Variants in TRAPPC6A observed in about 807,000 individuals in gnomAD.
The protein encoded by TRAPPC6A is TRAPP complex subunit 6A.
TRAPPC6A carries 25 observed loss-of-function variants against 20.8 expected under a neutral mutation model. That is an observed-to-expected ratio of 1.20 (90% CI 0.88 to 1.68). TRAPPC6A has a LOEUF of 1.68. TRAPPC6A is among the 40% of genes most tolerant of loss of function. The pLI is 0.00. For synonymous variants in TRAPPC6A, 96 were observed against 93.3 expected (o/e 1.03, Z -0.16); for missense variants, 215 against 211.6 (o/e 1.02, Z -0.10).
In TRAPPC6A at chr19:45,163,043, C is replaced by T; in HGVS notation, c.*149G>A. ...GGACCCCTTTGCCTCCTCTGACACCCCCACCTCAATTTGATACCCACTTCC... is the reference window on the plus strand; with the variant it reads ...GGACCCCTTTGCCTCCTCTGACACCTCCACCTCAATTTGATACCCACTTCC... On this transcript the variant is annotated 3_prime_UTR_variant, in exon 6 of 6. Transcript: ENST00000585934. This position sits in a 1 kb window ranked among gnomAD's most constrained non-coding sequence, Gnocchi z 5.3. 1.1e-6 allele frequency: 1 copy of T among 882,484 alleles called. No individual in the cohort carries two copies. The highest frequency in any genetic ancestry group is 1.7e-5 in the South Asian group (1 of 59,542). 54.7% of individuals were successfully genotyped at this position (882,484 alleles called of 1,614,324 possible).
rs984582108 is a variant in TRAPPC6A at position 45,172,133 on chromosome 19, G to A, written c.84+6002C>T. 5.9e-5 allele frequency among the ~76,000 whole-genome samples: 9 copies of A among 151,502 alleles called. No homozygotes were observed. The highest frequency in any genetic ancestry group is 2.2e-4 in the African/African-American group (9 of 41,056). On this transcript the variant is annotated intron_variant, in intron 1 of 5. Transcript: ENST00000585934. The surrounding 1 kb of genome is among the most constrained non-coding windows in gnomAD (Gnocchi z 4.2). ...AGGAGAATGGCCACAAATAACCACCGTACCAGGCAGGATAGGAGGTCACAA... is the reference window on the plus strand; with the variant it reads ...AGGAGAATGGCCACAAATAACCACCATACCAGGCAGGATAGGAGGTCACAA...
intron 1 of TRAPPC6A, 71 bp downstream of exon 1, chr19:45,178,064 C>T (rs568002335): frequency 3.7e-6 from 6 of 1,605,448 alleles, no homozygotes; most frequent in South Asian, 1.1e-5. Flanking sequence ...GGACGCCTGA[C>T]GCGCCCTCCG....
At chr19:45,176,661 T>A (rs1969382492) in intron 1 of TRAPPC6A, among the ~76,000 whole-genome samples, 1 of 152,126 alleles carries the variant, frequency 6.6e-6, no homozygotes, top group Non-Finnish European at 1.5e-5. Context: ...ATGACAGGTT[T>A]GTATCTGTAT....
At position 45,174,947 on chromosome 19, in the gene TRAPPC6A, C is replaced by T. The variant is rs373448561; in HGVS notation, c.84+3188G>A. On this transcript the variant is annotated intron_variant, in intron 1 of 5. Transcript: ENST00000585934. Reference sequence around the variant, plus strand: ...CATCCTGCCTAACACATTGAAACCCCGTCTCTACTAAAAATACAAAAAAAA... The same window carrying T: ...CATCCTGCCTAACACATTGAAACCCTGTCTCTACTAAAAATACAAAAAAAA... Among the ~76,000 whole-genome samples, 44 of 140,098 alleles carry T rather than the reference C, an allele frequency of 3.1e-4. 1 individual carries two copies. Among genetic ancestry groups the T allele is most frequent in the African/African-American group, 1.1e-3 (41 of 36,524 alleles). 91.9% of individuals were successfully genotyped at this position (140,098 alleles called of 152,430 possible). A position where few individuals can be genotyped will look rare whatever the true frequency, so the allele number is the denominator to read the frequency against.
chr19:45,178,232 A>C lies in TRAPPC6A; in HGVS notation c.-14T>G. The C allele has an allele frequency of 1.1e-5, 17 of 1,580,220 alleles. No individual in the cohort carries two copies. Among genetic ancestry groups the C allele is most frequent in the Non-Finnish European group, 1.4e-5 (16 of 1,158,804 alleles). On this transcript the variant is annotated 5_prime_UTR_variant, in exon 1 of 6. Transcript: ENST00000585934. ...AGTATCCGCCATGCCCCCTCCTCGC[A>C]CGCCTAAAGATGCGCCCAGCGCTTC... is the stretch of plus-strand genomic sequence containing the variant.
At chr19:45,171,163 G>A (rs1187571938) in intron 1 of TRAPPC6A, among the ~76,000 whole-genome samples, 2 of 152,190 alleles carry the variant, frequency 1.3e-5, no homozygotes, top group East Asian at 1.9e-4. Flanking sequence ...TTAGCCGGGC[G>A]TGGTGGCGCA....
chr19:45,164,203 C>T lies in TRAPPC6A; in HGVS notation c.315G>A (p.Pro105=), dbSNP rs776341093. 1.1e-5 allele frequency: 17 copies of T among 1,609,656 alleles called. No homozygotes were observed. Among genetic ancestry groups the T allele is most frequent in the Admixed American group, 8.4e-5 (5 of 59,468 alleles). The change falls in exon 4 of 6, where the codon CCG becomes CCA. Residue 105 remains proline, a synonymous_variant. Transcript: ENST00000585934. Reference sequence around the variant, plus strand: ...CCAGATACTGCAGGCCAGAGGCCATCGGGAGGAGGAGGGGGAAGCTGTTGT... The same window carrying T: ...CCAGATACTGCAGGCCAGAGGCCATTGGGAGGAGGAGGGGGAAGCTGTTGT... ...LQDNSFPLLL[P]MASGLQYLEE...
rs1048552 is a variant in TRAPPC6A at position 45,162,976 on chromosome 19, G to T, written c.*216C>A. 2,292 of 439,238 alleles carry T rather than the reference G, an allele frequency of 5.2e-3. 53 individuals are homozygous for T. The highest frequency in any genetic ancestry group is 0.039 in the African/African-American group (1,940 of 49,368). 27.2% of individuals were successfully genotyped at this position (439,238 alleles called of 1,614,324 possible). On this transcript the variant is annotated 3_prime_UTR_variant, in exon 6 of 6. Transcript: ENST00000585934. ...TATTGAGCAGCTACTGGGCAGTGAC[G>T]CTGCCGAGGCGGGAATCCCACCACA...
intron 1 of TRAPPC6A, among the ~76,000 whole-genome samples, chr19:45,169,453 C>T (rs115938508): frequency 0.012 from 1,847 of 152,294 alleles, 41 homozygotes; most frequent in African/African-American, 0.042. Context: ...TGAGCCACTG[C>T]GTCCAGCCCA....
intron 3 of TRAPPC6A, 88 bp from the exon 4 acceptor site, chr19:45,164,335 G>A: frequency 1.1e-6 from 1 of 900,188 alleles, no homozygotes; most frequent in Non-Finnish European, 1.7e-6. Context: ...GTCTTAGATT[G>A]GGCTGAGGTT....
intron 1 of TRAPPC6A, among the ~76,000 whole-genome samples, chr19:45,166,158 C>T (rs964984594): frequency 1.3e-5 from 2 of 152,008 alleles, no homozygotes; most frequent in Non-Finnish European, 2.9e-5. Context: ...GCAATCTGCC[C>T]GCCTCGGCCT....
chr19:45,177,276 G>A (rs1462639242), intron 1 of TRAPPC6A, among the ~76,000 whole-genome samples: 1 of 152,132 alleles, frequency 6.6e-6, no homozygotes, highest in Non-Finnish European at 1.5e-5. Context: ...GGGAGGCCCA[G>A]GCGGGAGAAT....
rs777087241 is a variant in TRAPPC6A, at chr19:45,165,121, G to A, written c.152+6C>T. The A allele has an allele frequency of 1.2e-5, 19 of 1,612,000 alleles. No individual in the cohort carries two copies. Among genetic ancestry groups the A allele is most frequent in the Middle Eastern group, 1.6e-4 (1 of 6,078 alleles). On this transcript the variant is annotated splice_donor_region_variant and intron_variant, in intron 2 of 5. Coordinates refer to ENST00000585934, the MANE Select transcript of TRAPPC6A (RefSeq NM_001270891.2). ...GCTGGGGGAGAGCAGGAGGGGCCGC[G>A]CTCACCTCTCGCCTAGAGCCTGGCC...
intron 1 of TRAPPC6A, among the ~76,000 whole-genome samples, chr19:45,175,315 T>C (rs1969345744): frequency 6.9e-6 from 1 of 144,988 alleles, no homozygotes. Flanking sequence ...TGGTTCCAGC[T>C]ACTCGGGAGG....
Position 45,178,144 on chromosome 19 carries a change from G to T in TRAPPC6A, c.75C>A (p.Pro25=). The part of the protein sequence containing the change: ...VAELWAHDPD[P]GPGGQKMSLS... ...GGAGCCCGGCGCTCACCCCCGGGCC[G>T]GGGTCGGGGTCGTGAGCCCACAGCT... Residue 25 remains proline, a synonymous_variant, in exon 1 of 6, where the codon CCC becomes CCA. Transcript: ENST00000585934. The T allele has an allele frequency of 6.2e-7, 1 of 1,613,148 alleles. No homozygotes were observed. Among genetic ancestry groups the T allele is most frequent in the South Asian group, 1.1e-5 (1 of 91,014 alleles).
At chr19:45,177,942 C>T in intron 1 of TRAPPC6A, 193 bp downstream of exon 1, 2 of 1,045,620 alleles carry the variant, frequency 1.9e-6, no homozygotes, top group South Asian at 1.6e-5. Context: ...AATCATCGCG[C>T]TCAATTTAGC....
intron 1 of TRAPPC6A, 22 bp downstream of exon 1, chr19:45,178,112 TC>T (rs1165253954): frequency 1.2e-6 from 2 of 1,612,800 alleles, no homozygotes; most frequent in Non-Finnish European, 8.5e-7. Context: ...CCCCGCTTCC[TC>T]CCCACGGAGC....
chr19:45,176,657 G>A (rs1969382430), intron 1 of TRAPPC6A, among the ~76,000 whole-genome samples: 1 of 149,638 alleles, frequency 6.7e-6, no homozygotes, highest in African/African-American at 2.6e-5. Flanking sequence ...ACTTATGACA[G>A]GTTTGTATCT....
In TRAPPC6A at chr19:45,165,118, C is replaced by T. The variant is rs200507838; in HGVS notation, c.152+9G>A. 6.0e-4 allele frequency: 973 copies of T among 1,612,268 alleles called. 3 individuals carry two copies. In the African/African-American group the frequency reaches 0.011, roughly 18 times the overall value. ...CAGGCTGGGGGAGAGCAGGAGGGGC[C>T]GCGCTCACCTCTCGCCTAGAGCCTG... is the stretch of plus-strand genomic sequence containing the variant. On this transcript the variant is annotated intron_variant, in intron 2 of 5. Transcript: ENST00000585934.
Sources: allele counts gnomAD v4.1 joint callset (sites outside exome capture counted in the v4.1 genomes callset), GRCh38; gene constraint gnomAD v4.1.1; non-coding constraint Gnocchi (gnomAD v3.1); transcripts MANE v1.5; gene names NCBI Gene and HGNC (gene_info 2026-07-23, HGNC 2026-07-21).